NCOA1: variants seen among roughly 807,000 people sequenced by gnomAD.
The protein encoded by NCOA1 is Hin-2 protein.
NCOA1 carries 35 observed loss-of-function variants against 150.9 expected under a neutral mutation model. The observed-to-expected ratio is 0.23, with a 90% confidence interval of 0.18 to 0.31. The LOEUF (loss-of-function observed/expected upper bound fraction) is 0.31, where lower values mean the gene tolerates loss of function less well. Among genes scored for constraint, NCOA1 ranks in the 10% least tolerant of loss-of-function variants. The probability of loss-of-function intolerance (pLI) is 1.00; values close to 1 mark genes in which losing one functional copy is unlikely to be tolerated. For synonymous variants in NCOA1, 590 were observed against 630.0 expected (o/e 0.94, Z 0.95); for missense variants, 1,491 against 1,749.3 (o/e 0.85, Z 2.63).
At chr2:24,518,207 A>G (rs1213863905) in intron 1 of NCOA1, among the ~76,000 whole-genome samples, 2 of 152,158 alleles carry the variant, frequency 1.3e-5, no homozygotes, top group South Asian at 2.1e-4. Flanking sequence ...GTATTTTACC[A>G]TGTTAACAGA....
At chr2:24,579,757 C>G (rs755776867) in intron 2 of NCOA1, among the ~76,000 whole-genome samples, 1 of 152,136 alleles carries the variant, frequency 6.6e-6, no homozygotes, top group Non-Finnish European at 1.5e-5. Context: ...CTGGTAAACA[C>G]CCTAGGTTGA....
intron 12 of NCOA1, among the ~76,000 whole-genome samples, chr2:24,706,289 T>C (rs1329203639): frequency 6.6e-6 from 1 of 152,102 alleles, no homozygotes; most frequent in Non-Finnish European, 1.5e-5. Context: ...AATTTTTACA[T>C]TATATTTTAC....
intron 2 of NCOA1, among the ~76,000 whole-genome samples, chr2:24,567,230 T>A (rs571118105): frequency 6.6e-6 from 1 of 152,368 alleles, no homozygotes; most frequent in East Asian, 1.9e-4. Flanking sequence ...TTTTAAAACG[T>A]CCCTGGCAAT....
intron 1 of NCOA1, among the ~76,000 whole-genome samples, chr2:24,531,094 G>A (rs1386836427): frequency 6.6e-6 from 1 of 152,214 alleles, no homozygotes; most frequent in Non-Finnish European, 1.5e-5. Flanking sequence ...GATAATAAGT[G>A]TTGGTAAGGG....
At chr2:24,714,663 C>T (rs1673926776) in intron 14 of NCOA1, among the ~76,000 whole-genome samples, 1 of 151,816 alleles carries the variant, frequency 6.6e-6, no homozygotes, top group East Asian at 1.9e-4. Context: ...AAAAAGAATA[C>T]CACAAAAGTA....
intron 6 of NCOA1, among the ~76,000 whole-genome samples, chr2:24,667,985 G>A (rs1435774915): frequency 6.6e-6 from 1 of 152,010 alleles, no homozygotes; most frequent in African/African-American, 2.4e-5. Context: ...TTATTTGCCT[G>A]CCCCCACTAG....
At chr2:24,748,616 CAAA>C (rs60280796) in intron 19 of NCOA1, among the ~76,000 whole-genome samples, 24 of 103,804 alleles carry the variant, frequency 2.3e-4, no homozygotes, top group East Asian at 8.1e-4. Flanking sequence ...AACTCGGTCT[CAAA>C]AAAAAAAAAA....
At chr2:24,597,899 G>A (rs954418057) in intron 3 of NCOA1, among the ~76,000 whole-genome samples, 1 of 151,962 alleles carries the variant, frequency 6.6e-6, no homozygotes, top group African/African-American at 2.4e-5. Flanking sequence ...ATTTACATTG[G>A]GTATATCTCC....
chr2:24,720,228 C>G (rs1475299293), intron 14 of NCOA1, among the ~76,000 whole-genome samples: 1 of 152,120 alleles, frequency 6.6e-6, no homozygotes, highest in Non-Finnish European at 1.5e-5. Flanking sequence ...ATGGTTGCCT[C>G]TATTGAGAAG....
chr2:24,729,355 CT>C, intron 16 of NCOA1, 145 bp from the exon 17 acceptor site: 1 of 749,190 alleles, frequency 1.3e-6, no homozygotes, highest in East Asian at 2.7e-5. Flanking sequence ...TCAAAAGCAG[CT>C]TTTATAAATG....
intron 3 of NCOA1, among the ~76,000 whole-genome samples, chr2:24,639,916 G>GTATACATATA (rs1670113820): frequency 3.4e-5 from 1 of 29,738 alleles, no homozygotes; most frequent in Admixed American, 5.0e-4. Context: ...ATGTGTGTGT[G>GTATACATATA]TATATATATA....
intron 1 of NCOA1, among the ~76,000 whole-genome samples, chr2:24,558,315 C>T (rs966397960): frequency 1.3e-5 from 2 of 152,104 alleles, no homozygotes; most frequent in African/African-American, 4.8e-5. Context: ...TGTATTAGTC[C>T]ATTTTCACGC....
rs753776254 is a variant in NCOA1 at position 24,757,973 on chromosome 2, T to G, written c.3882T>G (p.Asn1294Lys). 2.5e-6 allele frequency: 4 copies of G among 1,613,166 alleles called. No homozygotes were observed. In the African/African-American group the frequency reaches 5.3e-5, roughly 22 times the overall value. The part of the protein sequence containing the change: ...AWQQGAIGNN[N>K]VFSQAVQNQP... ...ATCTGGATTGTTTTTGAGTTTACAG[T>G]GTGTTCAGTCAAGCTGTCCAGAACC... The change falls in exon 21 of 23, where the codon AAT (asparagine) becomes AAG (lysine). Residue 1294 changes from asparagine (N) to lysine (K), a missense_variant and splice_region_variant. By Grantham distance (94) the Asn-to-Lys change is moderately conservative. Around this residue, in one of 8 missense-constraint regions of NCOA1, gnomAD observed 485 missense variants for 522.8 expected, o/e 0.93. Coordinates refer to ENST00000348332, the MANE Select transcript of NCOA1 (RefSeq NM_003743.5).
intron 1 of NCOA1, among the ~76,000 whole-genome samples, chr2:24,537,903 T>C (rs1665232828): frequency 6.6e-6 from 1 of 152,166 alleles, no homozygotes; most frequent in African/African-American, 2.4e-5. Context: ...TCTGTTTTGA[T>C]TGCAATTCTG....
At chr2:24,724,197 A>G (rs1674496328) in intron 14 of NCOA1, among the ~76,000 whole-genome samples, 1 of 152,168 alleles carries the variant, frequency 6.6e-6, no homozygotes, top group African/African-American at 2.4e-5. Flanking sequence ...AACGAATGTT[A>G]ATAGCTTGAT....
At chr2:24,631,991 G>A (rs1340690690) in intron 3 of NCOA1, among the ~76,000 whole-genome samples, 1 of 152,126 alleles carries the variant, frequency 6.6e-6, no homozygotes, top group Non-Finnish European at 1.5e-5. Flanking sequence ...ATAACAGGAA[G>A]ATTGAAATAA....
At chr2:24,590,135 C>A (rs966251971) in intron 3 of NCOA1, among the ~76,000 whole-genome samples, 1 of 152,134 alleles carries the variant, frequency 6.6e-6, no homozygotes, top group Non-Finnish European at 1.5e-5. Context: ...GTGTAAAATT[C>A]TTTCTTTAAT....
At chr2:24,732,025 A>G (rs1363815179) in intron 17 of NCOA1, among the ~76,000 whole-genome samples, 1 of 152,240 alleles carries the variant, frequency 6.6e-6, no homozygotes, top group African/African-American at 2.4e-5. Flanking sequence ...TCATTTTACA[A>G]TGTAAAGTTC....
intron 1 of NCOA1, 103 bp from the exon 2 acceptor site, chr2:24,564,192 C>G (rs184118405): frequency 3.3e-5 from 5 of 152,292 alleles, no homozygotes; most frequent in Admixed American, 2.0e-4. Flanking sequence ...ACTAAAGCAT[C>G]TGTGTAAGAA....
Sources: allele counts gnomAD v4.1 joint callset (sites outside exome capture counted in the v4.1 genomes callset), GRCh38; gene constraint gnomAD v4.1.1; regional missense constraint gnomAD v4.1.1; transcripts MANE v1.5; gene names NCBI Gene and HGNC (gene_info 2026-07-23, HGNC 2026-07-21).